The following ABCC9 variants were observed in gnomAD, a reference collection of about 807,000 sequenced individuals.
ABCC9 encodes the protein ATP-binding cassette sub-family C member 9.
A neutral mutation model predicts 188.3 loss-of-function variants in ABCC9; 95 were observed. That is an observed-to-expected ratio of 0.50 (90% CI 0.43 to 0.60). The LOEUF (loss-of-function observed/expected upper bound fraction) is 0.60, where lower values mean the gene tolerates loss of function less well. Among genes scored for constraint, ABCC9 ranks in the 20% least tolerant of loss-of-function variants. The pLI is 0.00. For missense variants in ABCC9, 1,102 were observed against 1,876.3 expected, an observed-to-expected ratio of 0.59 and a Z score of 7.62; for synonymous variants, 659 against 652.7, an observed-to-expected ratio of 1.01 and a Z score of -0.15.
At chr12:21,851,133 A>C (rs1275895791) in intron 24 of ABCC9, among the ~76,000 whole-genome samples, 1 of 152,118 alleles carries the variant, frequency 6.6e-6, no homozygotes, top group Non-Finnish European at 1.5e-5. Context: ...ATTCACTGGT[A>C]CAAATATTTC....
chr12:21,882,726 A>G (rs529357720), intron 16 of ABCC9, 40 bp downstream of exon 16: 1 of 1,508,518 alleles, frequency 6.6e-7, no homozygotes, highest in African/African-American at 1.4e-5. Context: ...AGTAACATAA[A>G]TGTTTCTATT....
intron 18 of ABCC9, among the ~76,000 whole-genome samples, chr12:21,868,850 T>G (rs1028636434): frequency 3.3e-5 from 5 of 152,194 alleles, no homozygotes; most frequent in Non-Finnish European, 5.9e-5. Flanking sequence ...TAAATTAGCT[T>G]AGCTTTAATT....
intron 12 of ABCC9, among the ~76,000 whole-genome samples, chr12:21,898,511 G>C (rs1947543211): frequency 6.6e-6 from 1 of 152,138 alleles, no homozygotes; most frequent in Admixed American, 6.5e-5. Context: ...AAGCATTAGG[G>C]CTAGAATAAA....
At chr12:21,915,028 G>A (rs1288950225) in intron 7 of ABCC9, among the ~76,000 whole-genome samples, 1 of 151,154 alleles carries the variant, frequency 6.6e-6, no homozygotes, top group African/African-American at 2.4e-5. Context: ...AGCCTCCCAA[G>A]TAGCTGGGAT....
At chr12:21,911,743 C>T (rs956986605) in intron 8 of ABCC9, among the ~76,000 whole-genome samples, 1 of 151,926 alleles carries the variant, frequency 6.6e-6, no homozygotes, top group Non-Finnish European at 1.5e-5. Context: ...TACAAATGTG[C>T]AAGTCCTATT....
rs1948393749 is a variant in ABCC9, at chr12:21,913,054, C to T, written c.829G>A (p.Asp277Asn). 1.9e-6 allele frequency: 3 copies of T among 1,595,352 alleles called. No homozygotes were observed. The highest frequency in any genetic ancestry group is 2.3e-5 in the South Asian group (2 of 86,650). ...AYEEQKKKVA[D>N]HPNRTPSIWL... ...ATAGATGGAGTCCGATTTGGATGAT[C>T]TGCAACTTTTTTCTGAAGAAAAAAA... is the stretch of plus-strand genomic sequence containing the variant. The change falls in exon 8 of 40, where the codon GAT becomes AAT. Residue 277 changes from aspartate (D) to asparagine (N), a missense_variant. Coordinates refer to ENST00000261200, the MANE Select transcript of ABCC9 (RefSeq NM_020297.4).
intron 18 of ABCC9, among the ~76,000 whole-genome samples, chr12:21,869,274 T>C (rs1392580772): frequency 6.6e-6 from 1 of 152,170 alleles, no homozygotes; most frequent in Non-Finnish European, 1.5e-5. Flanking sequence ...TCCTGCTGGC[T>C]GACTCCAAAG....
intron 12 of ABCC9, among the ~76,000 whole-genome samples, chr12:21,905,578 T>TA (rs1481263234): frequency 6.6e-6 from 1 of 151,894 alleles, no homozygotes; most frequent in African/African-American, 2.4e-5. Flanking sequence ...AAAATAATAA[T>TA]AAAAGCGAGA....
intron 26 of ABCC9, among the ~76,000 whole-genome samples, 183 bp downstream of exon 26, chr12:21,845,420 G>A (rs903141213): frequency 2.0e-5 from 3 of 151,564 alleles, no homozygotes; most frequent in Non-Finnish European, 4.4e-5. Flanking sequence ...ATTAATAATA[G>A]CTTCTATTTT....
chr12:21,900,072 C>A (rs1947645190), intron 12 of ABCC9, among the ~76,000 whole-genome samples: 2 of 152,206 alleles, frequency 1.3e-5, no homozygotes, highest in Non-Finnish European at 2.9e-5. Flanking sequence ...TAGGGGCAGA[C>A]TGACACCTCA....
In ABCC9 at chr12:21,882,748, C is replaced by A; in HGVS notation, c.2019+18G>T. 4 of 1,571,722 alleles carry A rather than the reference C, an allele frequency of 2.5e-6. No individual in the cohort carries two copies. The South Asian group carries it at 4.4e-5, about 17-fold the overall frequency. On this transcript the variant is annotated intron_variant, in intron 16 of 39. Coordinates refer to ENST00000261200, the MANE Select transcript of ABCC9 (RefSeq NM_020297.4). ...TAAATGTTTCTATTCATGTAAGAAT[C>A]CAGGAAATAAAAATAACCTTTATTG... is the stretch of plus-strand genomic sequence containing the variant.
rs539845325 is a variant in ABCC9, at chr12:21,930,050, T to C, written c.284+3732A>G. 2.1e-4 allele frequency among the ~76,000 whole-genome samples: 31 copies of C among 148,516 alleles called. No individual in the cohort carries two copies. In the South Asian group the frequency reaches 6.4e-3, roughly 30 times the overall value. On this transcript the variant is annotated intron_variant, in intron 4 of 39. Transcript: ENST00000261200. ...TTCCTGTGTCCAAGTGTTCTCATTG[T>C]TCAAGTCCCACCTATGAGTGAGAAC...
intron 35 of ABCC9, among the ~76,000 whole-genome samples, chr12:21,813,317 T>C (rs1297553625): frequency 6.6e-6 from 1 of 152,208 alleles, no homozygotes; most frequent in Non-Finnish European, 1.5e-5. Flanking sequence ...CCTATCACTT[T>C]TGTGCAGAGA....
rs1942808064 is a variant in ABCC9 at position 21,818,476 on chromosome 12, CTATATCTATCTATATATA to C, written c.3670-243_3670-226del. 2.1e-5 allele frequency among the ~76,000 whole-genome samples: 3 copies of C among 141,010 alleles called. No homozygotes were observed. The South Asian group carries it at 6.7e-4, about 31-fold the overall frequency. The allele number at this position is 141,010 out of a possible 152,430, so 92.5% of individuals were successfully genotyped here. On this transcript the variant is annotated intron_variant, in intron 31 of 39. Coordinates refer to ENST00000261200, the MANE Select transcript of ABCC9 (RefSeq NM_020297.4). ...TCACTATATATATCTATATCTATAT[CTATATCTATCTATATATA>C]TATCTATATATAACTATATAGATAT...
chr12:21,842,089 A>G (rs1269102867), intron 29 of ABCC9, among the ~76,000 whole-genome samples: 1 of 152,198 alleles, frequency 6.6e-6, no homozygotes, highest in East Asian at 1.9e-4. Flanking sequence ...AATCATCTGT[A>G]TGTTACTTAT....
chr12:21,853,695 A>G (rs1945082353), intron 22 of ABCC9, among the ~76,000 whole-genome samples: 1 of 152,154 alleles, frequency 6.6e-6, no homozygotes, highest in South Asian at 2.1e-4. Flanking sequence ...TTGGATCTTA[A>G]AAATAGGAGA....
intron 24 of ABCC9, 93 bp from the exon 25 acceptor site, chr12:21,848,339 C>G (rs779493958): frequency 9.1e-7 from 1 of 1,094,764 alleles, no homozygotes; most frequent in Non-Finnish European, 1.4e-6. Context: ...GGTTAGTTAC[C>G]TTTACCAATC....
chr12:21,915,785 T>C lies in ABCC9; in HGVS notation c.699A>G (p.Thr233=). 4 of 1,613,488 alleles carry C rather than the reference T, an allele frequency of 2.5e-6. No homozygotes were observed. In the South Asian group the frequency reaches 4.4e-5, roughly 18 times the overall value. ...LSKATYWWMN[T]LIISAHKKPI... is the part of the protein sequence containing the mutation. ...GCTTTTTGTGAGCAGATATAATAAG[T>C]GTGTTCATCCACCAGTATGTTGCTT... The change falls in exon 7 of 40, where the codon ACA becomes ACG. Residue 233 remains threonine, a synonymous_variant. Coordinates refer to ENST00000261200, the MANE Select transcript of ABCC9 (RefSeq NM_020297.4).
At chr12:21,840,721 C>T (rs1484712611) in intron 29 of ABCC9, among the ~76,000 whole-genome samples, 4 of 152,128 alleles carry the variant, frequency 2.6e-5, no homozygotes, top group Non-Finnish European at 4.4e-5. Context: ...ACTAGCTTCT[C>T]CATTTTGATC....
Sources: allele counts gnomAD v4.1 joint callset (sites outside exome capture counted in the v4.1 genomes callset), GRCh38; gene constraint gnomAD v4.1.1; transcripts MANE v1.5; gene names NCBI Gene and HGNC (gene_info 2026-07-23, HGNC 2026-07-21).